Variants in GSG1L observed in about 807,000 individuals in gnomAD.
The protein encoded by GSG1L is GSG1 like, also known as germ cell-specific gene 1-like protein.
A neutral mutation model predicts 42.1 loss-of-function variants in GSG1L; 24 were observed. The observed-to-expected ratio is 0.57, with a 90% CI of 0.41 to 0.80. The LOEUF is 0.80. Ranked by LOEUF, GSG1L falls within the 30% of genes least tolerant of loss-of-function variation. GSG1L has a pLI of 0.00. For missense variants in GSG1L, 445 were observed against 472.2 expected (o/e 0.94, Z 0.53); for synonymous variants, 215 against 203.5 (o/e 1.06, Z -0.48).
chr16:27,956,443 G>C lies in GSG1L; in HGVS notation c.397+6713C>G, dbSNP rs569000316. 5.9e-5 allele frequency among the ~76,000 whole-genome samples: 9 copies of C among 152,258 alleles called. No homozygotes were observed. In the South Asian group the frequency reaches 1.9e-3, roughly 32 times the overall value. ...GCTGCCACCCATCCTTGAGACCTAT[G>C]GTCAGGTCCGGGTGTGGTCACTTAA... On this transcript the variant is annotated intron_variant, in intron 2 of 6. Transcript: ENST00000447459.
Position 28,063,389 on chromosome 16 carries a change from G to T in GSG1L, c.36C>A (p.Ala12=), listed in dbSNP as rs772279492. ...GCAGCGCCAGCAGGTTCAGGGCCAC[G>T]GCCAGGAGCGCTCGGCCGCGGCGGC... is the stretch of plus-strand genomic sequence containing the variant. ...KTSRRGRALL[A]VALNLLALLF... Residue 12 remains alanine (A), a synonymous_variant, in exon 1 of 7, where the codon GCC becomes GCA. Coordinates refer to ENST00000447459, the MANE Select transcript of GSG1L (RefSeq NM_001109763.2). The surrounding 1 kb of genome is among the most constrained non-coding windows in gnomAD (Gnocchi z 5.8). 1.8e-4 allele frequency: 245 copies of T among 1,355,490 alleles called. 6 individuals carry two copies. In the East Asian group the frequency reaches 4.4e-3, roughly 24 times the overall value. 84.0% of individuals were successfully genotyped at this position (1,355,490 alleles called of 1,614,324 possible).
At chr16:27,793,074 C>T (rs550808338) in intron 6 of GSG1L, among the ~76,000 whole-genome samples, 1 of 152,378 alleles carries the variant, frequency 6.6e-6, no homozygotes, top group South Asian at 2.1e-4. Flanking sequence ...GTCAGACAGG[C>T]TCTTGGCAGA....
chr16:27,980,749 G>A (rs972281829), intron 1 of GSG1L, among the ~76,000 whole-genome samples: 1 of 152,042 alleles, frequency 6.6e-6, no homozygotes, highest in Non-Finnish European at 1.5e-5. Flanking sequence ...AGGCACGATG[G>A]CACATGCCTG....
At chr16:27,893,170 G>A (rs2084148720) in intron 2 of GSG1L, among the ~76,000 whole-genome samples, 1 of 152,192 alleles carries the variant, frequency 6.6e-6, no homozygotes, top group Admixed American at 6.5e-5. Context: ...TTTCTCATCA[G>A]GTGTGGGGCC....
intron 4 of GSG1L, 75 bp from the exon 5 acceptor site, chr16:27,829,031 A>G: frequency 7.1e-7 from 1 of 1,408,078 alleles, no homozygotes; most frequent in Non-Finnish European, 9.8e-7. Context: ...CCCACCAAAC[A>G]TTCATTCATC....
chr16:27,799,228 T>A (rs1190218291), intron 6 of GSG1L, among the ~76,000 whole-genome samples: 9 of 144,084 alleles, frequency 6.2e-5, no homozygotes, highest in Admixed American at 6.2e-4. Context: ...AGACCCCATA[T>A]CTACCAAAAA....
intron 1 of GSG1L, among the ~76,000 whole-genome samples, chr16:28,026,741 T>G (rs1431265562): frequency 6.6e-6 from 1 of 152,216 alleles, no homozygotes; most frequent in Non-Finnish European, 1.5e-5. Context: ...GTGTCCCATC[T>G]GCTCACAGTC....
chr16:28,019,527 T>C (rs1376123153), intron 1 of GSG1L, among the ~76,000 whole-genome samples: 1 of 152,228 alleles, frequency 6.6e-6, no homozygotes, highest in African/African-American at 2.4e-5. Context: ...TTGACACCTA[T>C]GGAGTCACCA....
In GSG1L at chr16:28,059,661, C is replaced by A. The variant is rs1377970255; in HGVS notation, c.349+3415G>T. Among the ~76,000 whole-genome samples the A allele has an allele frequency of 6.6e-6, 1 of 152,106 alleles. No individual in the cohort carries two copies. Among genetic ancestry groups the A allele is most frequent in the Non-Finnish European group, 1.5e-5 (1 of 68,022 alleles). ...CAGGCCTCTCCTCAGCCACCCCCAC[C>A]ACACTGACTAGAACGATGCTTGCTT... On this transcript the variant is annotated intron_variant, in intron 1 of 6. Coordinates refer to ENST00000447459, the MANE Select transcript of GSG1L (RefSeq NM_001109763.2). The surrounding 1 kb of genome is among the most constrained non-coding windows in gnomAD (Gnocchi z 4.4).
At chr16:27,883,033 C>T (rs974763496) in intron 3 of GSG1L, among the ~76,000 whole-genome samples, 7 of 149,924 alleles carry the variant, frequency 4.7e-5, no homozygotes, top group African/African-American at 1.5e-4. Context: ...ATGGGAGTAT[C>T]GCTTGAGCCC....
chr16:27,824,017 A>G (rs1015257251), intron 5 of GSG1L: 46 of 681,804 alleles, frequency 6.7e-5, no homozygotes, highest in Non-Finnish European at 1.1e-4. Context: ...ATACAGGGCC[A>G]CAGATAATAA....
chr16:27,933,595 G>C (rs150980868), intron 2 of GSG1L, among the ~76,000 whole-genome samples: 1 of 140,018 alleles, frequency 7.1e-6, no homozygotes, highest in Non-Finnish European at 1.5e-5. Context: ...GTTACAGTGA[G>C]CTATGATCAT....
At chr16:28,041,675 C>T (rs2086107389) in intron 1 of GSG1L, among the ~76,000 whole-genome samples, 1 of 152,184 alleles carries the variant, frequency 6.6e-6, no homozygotes, top group Non-Finnish European at 1.5e-5. Flanking sequence ...CTCCCCAGGC[C>T]TGGCATTTAC....
chr16:28,049,989 A>G (rs1347117478), intron 1 of GSG1L, among the ~76,000 whole-genome samples: 1 of 152,206 alleles, frequency 6.6e-6, no homozygotes, highest in Non-Finnish European at 1.5e-5. Context: ...CTCCACTGGA[A>G]GGAAGCTCCT....
At position 27,995,883 on chromosome 16, in the gene GSG1L, A is replaced by AACACACAC. The variant is rs3033625; in HGVS notation, c.350-32688_350-32681dup. ...CTTAGGAAGTTCCTGTACTGATTAA[A>AACACACAC]ACACACACACACACACACACACACA... On this transcript the variant is annotated intron_variant, in intron 1 of 6. Transcript: ENST00000447459. Among the ~76,000 whole-genome samples the AACACACAC allele has an allele frequency of 7.8e-4, 113 of 145,320 alleles. 1 individual carries two copies. The highest frequency in any genetic ancestry group is 5.0e-3 in the South Asian group (22 of 4,444).
intron 1 of GSG1L, among the ~76,000 whole-genome samples, chr16:27,993,409 T>A (rs142077065): frequency 1.3e-5 from 2 of 152,264 alleles, no homozygotes; most frequent in East Asian, 3.9e-4. Context: ...GTGCTGGGAT[T>A]ACAGGCAAGA....
At chr16:27,871,615 T>C (rs1722280145) in intron 3 of GSG1L, among the ~76,000 whole-genome samples, 1 of 152,128 alleles carries the variant, frequency 6.6e-6, no homozygotes, top group Non-Finnish European at 1.5e-5. Flanking sequence ...TGCTCCAGCC[T>C]GGGTGACAGA....
At chr16:27,822,893 C>A (rs924415528) in intron 5 of GSG1L, among the ~76,000 whole-genome samples, 1 of 152,080 alleles carries the variant, frequency 6.6e-6, no homozygotes, top group Non-Finnish European at 1.5e-5. Flanking sequence ...CTAAGTGGTA[C>A]AGAGAGAGGT....
intron 1 of GSG1L, among the ~76,000 whole-genome samples, chr16:27,979,585 A>AGAAG (rs554845626): frequency 0.017 from 2,437 of 143,600 alleles, 49 homozygotes; most frequent in Non-Finnish European, 0.028. Context: ...AAAAAAAGAA[A>AGAAG]GAAGGAAGGA....
Sources: gnomAD v4.1 joint callset for allele counts (sites outside exome capture counted in the v4.1 genomes callset) on GRCh38, gnomAD v4.1.1 for gene constraint, Gnocchi (gnomAD v3.1) non-coding constraint, MANE v1.5 for transcripts, NCBI Gene and HGNC (gene_info 2026-07-23, HGNC 2026-07-21) for gene names.